Variants in MGAT4C observed in about 807,000 individuals in gnomAD.
MGAT4C encodes MGAT4 family member C.
Under a neutral mutation model 40.1 loss-of-function variants are expected in MGAT4C, and 19 were observed. The ratio of observed to expected loss-of-function variants is 0.47; its 90% CI spans 0.33 to 0.70. MGAT4C has a LOEUF of 0.70. MGAT4C is among the 30% of genes least tolerant of loss of function. The pLI is 0.02. For missense variants in MGAT4C, 491 were observed against 563.2 expected (o/e 0.87, Z 1.30); for synonymous variants, 181 against 187.1 (o/e 0.97, Z 0.27).
intron 2 of MGAT4C, among the ~76,000 whole-genome samples, chr12:86,559,938 A>C (rs1433692588): frequency 6.6e-6 from 1 of 151,980 alleles, no homozygotes; most frequent in Non-Finnish European, 1.5e-5. Context: ...ATAAGGGAGA[A>C]GGCCCAAGTA....
chr12:86,361,687 A>G (rs1230667394), intron 3 of MGAT4C, among the ~76,000 whole-genome samples: 1 of 152,242 alleles, frequency 6.6e-6, no homozygotes, highest in Non-Finnish European at 1.5e-5. Flanking sequence ...ATATTAACAG[A>G]CACTTCTCAA....
chr12:86,053,689 G>A (rs140226439), intron 1 of MGAT4C, among the ~76,000 whole-genome samples: 5 of 152,076 alleles, frequency 3.3e-5, no homozygotes, highest in Non-Finnish European at 7.4e-5. Flanking sequence ...TATCTCCTAA[G>A]TTACTATTCT....
At chr12:86,318,629 G>C (rs1438761163) in intron 4 of MGAT4C, among the ~76,000 whole-genome samples, 1 of 152,038 alleles carries the variant, frequency 6.6e-6, no homozygotes, top group Non-Finnish European at 1.5e-5. Flanking sequence ...CCAGATCTAA[G>C]TCATGAACAA....
intron 2 of MGAT4C, among the ~76,000 whole-genome samples, chr12:86,508,788 T>A (rs1384509794): frequency 2.0e-5 from 3 of 149,256 alleles, no homozygotes; most frequent in Admixed American, 6.7e-5. Flanking sequence ...GTGGTTTTGA[T>A]TTGCATTTCT....
At chr12:86,494,748 CA>C (rs1379699866) in intron 2 of MGAT4C, among the ~76,000 whole-genome samples, 2 of 151,376 alleles carry the variant, frequency 1.3e-5, no homozygotes, top group Non-Finnish European at 3.0e-5. Context: ...ATTTGACTTA[CA>C]AAAAGACAAC....
chr12:86,287,616 C>T (rs1015849138), intron 4 of MGAT4C, among the ~76,000 whole-genome samples: 21 of 152,224 alleles, frequency 1.4e-4, no homozygotes, highest in Admixed American at 1.2e-3. Flanking sequence ...GTTTGGTTTT[C>T]TGTTCCTGTG....
At chr12:86,583,177 G>A (rs543909310) in intron 2 of MGAT4C, among the ~76,000 whole-genome samples, 19 of 151,220 alleles carry the variant, frequency 1.3e-4, no homozygotes, top group African/African-American at 4.6e-4. Context: ...ATAGCTTTAC[G>A]CCTTCAGGAC....
chr12:86,245,313 C>T (rs543328926), intron 1 of MGAT4C, among the ~76,000 whole-genome samples: 3 of 152,258 alleles, frequency 2.0e-5, no homozygotes, highest in South Asian at 2.1e-4. Flanking sequence ...GTTAGCATGC[C>T]AGGTTTCTAG....
intron 3 of MGAT4C, among the ~76,000 whole-genome samples, chr12:86,348,951 T>G (rs1022843667): frequency 6.6e-6 from 1 of 152,158 alleles, no homozygotes; most frequent in African/African-American, 2.4e-5. Context: ...TTTATCACTT[T>G]TATTATAATA....
At chr12:86,294,663 T>C (rs984169134) in intron 4 of MGAT4C, among the ~76,000 whole-genome samples, 1 of 152,204 alleles carries the variant, frequency 6.6e-6, no homozygotes, top group East Asian at 1.9e-4. Context: ...CTCTGGTTTG[T>C]AGTCAGCATT....
intron 2 of MGAT4C, among the ~76,000 whole-genome samples, chr12:86,649,823 A>C (rs1426253050): frequency 6.6e-6 from 1 of 151,884 alleles, no homozygotes; most frequent in Non-Finnish European, 1.5e-5. Flanking sequence ...TGCAACATCA[A>C]AACTTCTGCT....
chr12:86,466,553 T>C (rs1019040598), intron 2 of MGAT4C, among the ~76,000 whole-genome samples: 1 of 152,150 alleles, frequency 6.6e-6, no homozygotes. Context: ...GAGGGATGAA[T>C]AGGCAGAACA....
chr12:86,302,779 C>T (rs576774877), intron 4 of MGAT4C, among the ~76,000 whole-genome samples: 5 of 150,580 alleles, frequency 3.3e-5, no homozygotes, highest in Admixed American at 2.6e-4. Context: ...TGATCTCACC[C>T]GATTCATTTT....
Position 85,965,098 on chromosome 12 carries a change from T to G in MGAT4C, c.*14191A>C, listed in dbSNP as rs1392859543. The stretch of plus-strand genomic sequence containing the variant: ...AGGCACATTTCCTTTCCAATTAGAG[T>G]GAGGTGTTGAATATTTATTTATTTG... On this transcript the variant is annotated 3_prime_UTR_variant, in exon 5 of 5. Transcript: ENST00000611864. 1 of 152,008 alleles carries G rather than the reference T, an allele frequency of 6.6e-6. No homozygotes were observed. The highest frequency in any genetic ancestry group is 2.4e-5 in the African/African-American group (1 of 41,376). The allele number at this position is 152,008 out of a possible 1,614,324, so 9.4% of individuals were successfully genotyped here. A position where few individuals can be genotyped will look rare whatever the true frequency, so the allele number is the denominator to read the frequency against.
At chr12:86,201,947 TTG>T (rs1488227076) in intron 1 of MGAT4C, among the ~76,000 whole-genome samples, 1 of 152,126 alleles carries the variant, frequency 6.6e-6, no homozygotes, top group African/African-American at 2.4e-5. Context: ...AAATTTTCAC[TTG>T]TTTGTTGCTG....
At chr12:86,730,587 G>C in intron 1 of MGAT4C, among the ~76,000 whole-genome samples, 1 of 151,950 alleles carries the variant, frequency 6.6e-6, no homozygotes, top group South Asian at 2.1e-4. Context: ...GACATAAAAA[G>C]ATCAGATGAG....
chr12:86,743,080 G>A (rs1222201742), intron 1 of MGAT4C, among the ~76,000 whole-genome samples: 1 of 148,276 alleles, frequency 6.7e-6, no homozygotes, highest in South Asian at 2.2e-4. Flanking sequence ...ATGCATGTGT[G>A]TATGTGTGTA....
At chr12:86,567,764 A>T (rs2136417815) in intron 2 of MGAT4C, among the ~76,000 whole-genome samples, 1 of 152,318 alleles carries the variant, frequency 6.6e-6, no homozygotes, top group South Asian at 2.1e-4. Flanking sequence ...AGAAATGAGG[A>T]CTGTGATTGT....
intron 1 of MGAT4C, among the ~76,000 whole-genome samples, chr12:86,121,414 C>T (rs896380148): frequency 6.6e-5 from 10 of 151,962 alleles, no homozygotes; most frequent in East Asian, 1.9e-4. Context: ...AGATACTCCT[C>T]GAGACAAGCA....
Sources: gnomAD v4.1 joint callset for allele counts (sites outside exome capture counted in the v4.1 genomes callset) on GRCh38, gnomAD v4.1.1 for gene constraint, MANE v1.5 for transcripts, NCBI Gene and HGNC (gene_info 2026-07-23, HGNC 2026-07-21) for gene names.